Variants in DFFB observed in about 807,000 individuals in gnomAD.
The protein encoded by DFFB is DNA fragmentation factor subunit beta.
In DFFB, 29 loss-of-function variants were observed where a neutral mutation model predicts 32.7. The ratio of observed to expected loss-of-function variants is 0.89; its 90% confidence interval spans 0.66 to 1.21. DFFB has a LOEUF of 1.21. DFFB is among the 50% of genes most tolerant of loss of function. The probability of loss-of-function intolerance (pLI) is 0.00; values close to 1 mark genes in which losing one functional copy is unlikely to be tolerated. For missense variants in DFFB, 398 were observed against 440.6 expected, an observed-to-expected ratio of 0.90 and a Z score of 0.87; for synonymous variants, 170 against 177.1, an observed-to-expected ratio of 0.96 and a Z score of 0.32.
Position 3,885,232 on chromosome 1 carries a change from G to A in DFFB, c.*1491G>A, listed in dbSNP as rs976481999. ...GCGGATCTGAACAGCAGTAATCCTG[G>A]GGGATACGGGGGTTGGGCTAGATTA... is the stretch of plus-strand genomic sequence containing the variant. On this transcript the variant is annotated 3_prime_UTR_variant, in exon 7 of 7. Transcript: ENST00000378209. The A allele has an allele frequency of 2.0e-5, 3 of 152,142 alleles. No individual in the cohort carries two copies. The highest frequency in any genetic ancestry group is 4.4e-5 in the Non-Finnish European group (3 of 68,036). 9.4% of individuals were successfully genotyped at this position (152,142 alleles called of 1,614,324 possible). A position where few individuals can be genotyped will look rare whatever the true frequency, so the allele number is the denominator to read the frequency against.
At chr1:3,858,067 A>C (rs1346544349) in intron 1 of DFFB, among the ~76,000 whole-genome samples, 4 of 152,170 alleles carry the variant, frequency 2.6e-5, no homozygotes, top group African/African-American at 9.7e-5. Context: ...AGTAACATGA[A>C]AGGCTTGGCT....
chr1:3,869,816 C>T, intron 5 of DFFB, 41 bp downstream of exon 5: 1 of 1,546,080 alleles, frequency 6.5e-7, no homozygotes, highest in Non-Finnish European at 8.8e-7. Context: ...CCCGGCTGGC[C>T]TGTGGAACAC....
At chr1:3,859,994 C>A (rs1240096693) in intron 2 of DFFB, among the ~76,000 whole-genome samples, 1 of 152,190 alleles carries the variant, frequency 6.6e-6, no homozygotes, top group Admixed American at 6.5e-5. Flanking sequence ...CTCTGTCTCT[C>A]TCTCTCTCTG....
intron 5 of DFFB, among the ~76,000 whole-genome samples, chr1:3,870,414 A>G (rs1645088279): frequency 6.7e-6 from 1 of 150,162 alleles, no homozygotes; most frequent in African/African-American, 2.4e-5. Context: ...GCTTCTTCCC[A>G]TGGGACAGGG....
At chr1:3,857,884 G>A (rs1033485234) in intron 1 of DFFB, among the ~76,000 whole-genome samples, 167 bp downstream of exon 1, 1 of 152,218 alleles carries the variant, frequency 6.6e-6, no homozygotes, top group African/African-American at 2.4e-5. Flanking sequence ...TGGGGTTCCT[G>A]AGCGTGGCTT....
rs1644955762 is a variant in DFFB, at chr1:3,865,367, T to C, written c.242-445T>C. Among the ~76,000 whole-genome samples, 1 of 152,194 alleles carries C rather than the reference T, an allele frequency of 6.6e-6. No individual in the cohort carries two copies. The highest frequency in any genetic ancestry group is 1.9e-4 in the East Asian group (1 of 5,200). On this transcript the variant is annotated intron_variant, in intron 2 of 6. Coordinates refer to ENST00000378209, the MANE Select transcript of DFFB (RefSeq NM_004402.4). The surrounding 1 kb of genome is among the most constrained non-coding windows in gnomAD (Gnocchi z 4.7). ...CTTTGCTAACATTTTGTTAAGGTCC[T>C]GGGTAGACTTTGCTTTAACTTCCTA...
At chr1:3,874,754 C>T (rs71634381) in intron 6 of DFFB, among the ~76,000 whole-genome samples, 15,379 of 103,454 alleles carry the variant, frequency 0.15, 1,260 homozygotes, top group Middle Eastern at 0.21. Context: ...GCCGTGTAGC[C>T]GCACCTTTAC....
chr1:3,879,144 GTATC>G, intron 6 of DFFB, among the ~76,000 whole-genome samples: 1 of 152,166 alleles, frequency 6.6e-6, no homozygotes, highest in Non-Finnish European at 1.5e-5. Context: ...AAAATGATAA[GTATC>G]TAGGTAGAGC....
Position 3,857,579 on chromosome 1 carries a change from C to T in DFFB, c.-25C>T. ...GCAGCAGGTGCCACCGCCTGTGGGACCCAGAGGGCTTGAGGACATCTGCAA... is the reference window on the plus strand; with the variant it reads ...GCAGCAGGTGCCACCGCCTGTGGGATCCAGAGGGCTTGAGGACATCTGCAA... On this transcript the variant is annotated 5_prime_UTR_variant, in exon 1 of 7. Transcript: ENST00000378209. 1 of 1,511,962 alleles carries T rather than the reference C, an allele frequency of 6.6e-7. No homozygotes were observed. The highest frequency in any genetic ancestry group is 8.9e-7 in the Non-Finnish European group (1 of 1,124,616). 93.7% of individuals were successfully genotyped at this position (1,511,962 alleles called of 1,614,324 possible).
chr1:3,865,606 C>T lies in DFFB; in HGVS notation c.242-206C>T. On this transcript the variant is annotated intron_variant, in intron 2 of 6. Coordinates refer to ENST00000378209, the MANE Select transcript of DFFB (RefSeq NM_004402.4). The surrounding 1 kb of genome is among the most constrained non-coding windows in gnomAD (Gnocchi z 4.7). ...TCTAAAGCACACCCTGCCCCTCCCT[C>T]CTCTGTCCTCATGCCGCCCTTGTGC... 1.3e-6 allele frequency: 1 copy of T among 744,074 alleles called. No homozygotes were observed. 46.1% of individuals were successfully genotyped at this position (744,074 alleles called of 1,614,324 possible).
chr1:3,877,645 CTGAA>C (rs1645251828), intron 6 of DFFB, among the ~76,000 whole-genome samples: 1 of 152,096 alleles, frequency 6.6e-6, no homozygotes, highest in Non-Finnish European at 1.5e-5. Context: ...TGTTTTGAGA[CTGAA>C]TGATTTACAT....
intron 6 of DFFB, 108 bp downstream of exon 6, chr1:3,872,680 C>T (rs1340671813): frequency 1.0e-5 from 10 of 979,442 alleles, no homozygotes; most frequent in Non-Finnish European, 1.6e-5. Flanking sequence ...CTGTCCCTGC[C>T]ACGGTGTTGC....
chr1:3,872,427 A>T, intron 5 of DFFB, 45 bp from the exon 6 acceptor site: 2 of 1,431,850 alleles, frequency 1.4e-6, no homozygotes, highest in Non-Finnish European at 1.9e-6. Context: ...AAAAAAAAAA[A>T]GAGACTCACT....
At chr1:3,872,368 G>C (rs916451106) in intron 5 of DFFB, 104 bp from the exon 6 acceptor site, 2 of 784,952 alleles carry the variant, frequency 2.5e-6, no homozygotes, top group Non-Finnish European at 4.2e-6. Flanking sequence ...AGCCGAGATC[G>C]GGCCACTGCA....
At chr1:3,862,242 T>C (rs1644892174) in intron 2 of DFFB, among the ~76,000 whole-genome samples, 1 of 152,260 alleles carries the variant, frequency 6.6e-6, no homozygotes, top group Admixed American at 6.5e-5. Context: ...TAACATCCCA[T>C]GTTCATGGAT....
chr1:3,867,788 G>A, intron 3 of DFFB, 186 bp from the exon 4 acceptor site: 1 of 627,204 alleles, frequency 1.6e-6, no homozygotes, highest in Non-Finnish European at 2.9e-6. Context: ...AGGAGGTTAA[G>A]GCTGTAGTAA....
chr1:3,857,766 A>T, intron 1 of DFFB, 49 bp downstream of exon 1: 5 of 1,292,600 alleles, frequency 3.9e-6, no homozygotes, highest in Non-Finnish European at 5.1e-6. Context: ...GCGTGTGGGG[A>T]GAATAGGAGG....
intron 2 of DFFB, among the ~76,000 whole-genome samples, chr1:3,861,892 G>C (rs1025925050): frequency 2.0e-5 from 3 of 152,108 alleles, no homozygotes; most frequent in African/African-American, 7.2e-5. Context: ...AGGACATTTA[G>C]GCAAGAAAAA....
intron 6 of DFFB, chr1:3,873,177 C>T (rs929485047): frequency 6.7e-5 from 14 of 209,786 alleles, no homozygotes; most frequent in Non-Finnish European, 1.2e-4. Flanking sequence ...TTTGTGGAAC[C>T]AGCATGAGCA....
Sources: gnomAD v4.1 joint callset for allele counts (sites outside exome capture counted in the v4.1 genomes callset) on GRCh38, gnomAD v4.1.1 for gene constraint, Gnocchi (gnomAD v3.1) non-coding constraint, MANE v1.5 for transcripts, NCBI Gene and HGNC (gene_info 2026-07-23, HGNC 2026-07-21) for gene names.